SLC14A2: variants seen among roughly 807,000 people sequenced by gnomAD.
SLC14A2 encodes urea transporter 2.
SLC14A2 carries 91 observed loss-of-function variants against 104.6 expected under a neutral mutation model. The observed-to-expected ratio is 0.87, with a 90% CI of 0.73 to 1.04. The LOEUF (loss-of-function observed/expected upper bound fraction) is 1.04. Among genes scored for constraint, SLC14A2 ranks in the 50% least tolerant of loss-of-function variants. The pLI is 0.00. For missense variants in SLC14A2, 1,189 were observed against 1,156.0 expected (o/e 1.03, Z -0.41); for synonymous variants, 476 against 466.4 (o/e 1.02, Z -0.27).
intron 5 of SLC14A2, 37 bp from the exon 6 acceptor site, chr18:45,636,953 G>A: frequency 1.9e-6 from 3 of 1,556,502 alleles, no homozygotes; most frequent in Non-Finnish European, 1.8e-6. Context: ...ACCTCAGGAT[G>A]TCACAGGGAT....
At chr18:45,413,720 G>T (rs2086239055) in intron 1 of SLC14A2, among the ~76,000 whole-genome samples, 1 of 152,212 alleles carries the variant, frequency 6.6e-6, no homozygotes, top group African/African-American at 2.4e-5. Context: ...AGCCATGGTA[G>T]TTAATGTGTG....
upstream of SLC14A2, among the ~76,000 whole-genome samples, chr18:45,610,794 G>T (rs2144448173): frequency 6.6e-6 from 1 of 152,230 alleles, no homozygotes; most frequent in African/African-American, 2.4e-5. Flanking sequence ...GGTTTGTTTT[G>T]CTCTAACCCT....
At chr18:45,426,013 C>T (rs2086420581) in intron 1 of SLC14A2, among the ~76,000 whole-genome samples, 1 of 152,024 alleles carries the variant, frequency 6.6e-6, no homozygotes, top group Non-Finnish European at 1.5e-5. Flanking sequence ...CTCTTACATC[C>T]TTTTTGTCAT....
At chr18:45,524,047 C>T (rs1371235176) in intron 2 of SLC14A2, among the ~76,000 whole-genome samples, 3 of 152,228 alleles carry the variant, frequency 2.0e-5, no homozygotes, top group African/African-American at 7.2e-5. Flanking sequence ...CCTGAATACT[C>T]TGGGCTGCCT....
intron 1 of SLC14A2, among the ~76,000 whole-genome samples, chr18:45,288,052 A>C (rs1446158388): frequency 6.6e-6 from 1 of 152,218 alleles, no homozygotes; most frequent in Non-Finnish European, 1.5e-5. Flanking sequence ...ACACAGGAGC[A>C]ATATGGGAGT....
chr18:45,660,124 T>C (rs948658470), intron 10 of SLC14A2, among the ~76,000 whole-genome samples: 3 of 152,068 alleles, frequency 2.0e-5, no homozygotes, highest in African/African-American at 7.3e-5. Context: ...TGAAGCAAGA[T>C]CGTGTCTCAA....
chr18:45,205,508 A>G, the SLC14A2 span, among the ~76,000 whole-genome samples: 2 of 152,136 alleles, frequency 1.3e-5, no homozygotes, highest in Admixed American at 1.3e-4. Context: ...AATGAGGACC[A>G]TTGGGGGTTA....
intron 1 of SLC14A2, among the ~76,000 whole-genome samples, chr18:45,341,208 G>T (rs2085390071): frequency 6.6e-6 from 1 of 151,102 alleles, no homozygotes; most frequent in South Asian, 2.1e-4. Context: ...TCCTTCCTAG[G>T]CACTGTTAAG....
intron 2 of SLC14A2, among the ~76,000 whole-genome samples, chr18:45,486,939 G>C (rs573930547): frequency 6.6e-6 from 1 of 152,188 alleles, no homozygotes; most frequent in South Asian, 2.1e-4. Flanking sequence ...GACCAGTGAA[G>C]GGCATGTCCA....
intron 1 of SLC14A2, among the ~76,000 whole-genome samples, chr18:45,336,349 A>G (rs149077244): frequency 0.013 from 1,997 of 152,276 alleles, 45 homozygotes; most frequent in African/African-American, 0.046. Flanking sequence ...AAGGAGCTTT[A>G]CAGGGGAAGC....
chr18:45,295,241 T>C (rs1446347421), intron 1 of SLC14A2, among the ~76,000 whole-genome samples: 1 of 152,188 alleles, frequency 6.6e-6, no homozygotes, highest in Admixed American at 6.5e-5. Flanking sequence ...CTCAAACTTG[T>C]TCCCCATTGT....
At chr18:45,622,613 G>A (rs559496054) in intron 1 of SLC14A2, among the ~76,000 whole-genome samples, 11 of 152,220 alleles carry the variant, frequency 7.2e-5, no homozygotes, top group South Asian at 2.1e-4. Context: ...AAGAGGGCCC[G>A]GAACAGGGGT....
chr18:45,337,628 C>A (rs2085349695), intron 1 of SLC14A2, among the ~76,000 whole-genome samples: 1 of 152,144 alleles, frequency 6.6e-6, no homozygotes, highest in Non-Finnish European at 1.5e-5. Context: ...ACCCTTCTCC[C>A]TTTGGAATTT....
At chr18:45,430,542 T>A (rs2086497895) in intron 1 of SLC14A2, among the ~76,000 whole-genome samples, 1 of 89,462 alleles carries the variant, frequency 1.1e-5, no homozygotes, top group Non-Finnish European at 2.7e-5. Context: ...GGAAGGGAAG[T>A]TATTTTATTT....
the SLC14A2 span, among the ~76,000 whole-genome samples, chr18:45,192,647 G>T: frequency 1.1e-4 from 16 of 142,544 alleles, no homozygotes; most frequent in South Asian, 2.2e-4. Context: ...GTTTTTTTTT[G>T]TTTTGTTTTG....
At chr18:45,443,373 G>C (rs2086711730) in intron 1 of SLC14A2, among the ~76,000 whole-genome samples, 1 of 152,214 alleles carries the variant, frequency 6.6e-6, no homozygotes, top group African/African-American at 2.4e-5. Context: ...ACAAAAAAAG[G>C]CATCATCTGA....
chr18:45,374,945 A>G (rs886296187), intron 1 of SLC14A2, among the ~76,000 whole-genome samples: 2 of 152,224 alleles, frequency 1.3e-5, no homozygotes, highest in African/African-American at 4.8e-5. Context: ...GGAAGTAGAG[A>G]GACTCTTGAA....
chr18:45,434,445 T>C (rs2086564283), intron 1 of SLC14A2, among the ~76,000 whole-genome samples: 1 of 150,056 alleles, frequency 6.7e-6, no homozygotes, highest in Non-Finnish European at 1.5e-5. Flanking sequence ...TTTAACTCAA[T>C]TTCATCAGGA....
intron 1 of SLC14A2, among the ~76,000 whole-genome samples, chr18:45,391,077 C>T (rs961217835): frequency 3.9e-5 from 6 of 152,116 alleles, no homozygotes; most frequent in Admixed American, 3.9e-4. Context: ...TCTCCCTCCC[C>T]CCTCCACCCA....
Sources: gnomAD v4.1 joint callset for allele counts (sites outside exome capture counted in the v4.1 genomes callset) on GRCh38, gnomAD v4.1.1 for gene constraint, MANE v1.5 for transcripts, NCBI Gene and HGNC (gene_info 2026-07-23, HGNC 2026-07-21) for gene names.